The following PKD1L1 variants were observed in gnomAD, a reference collection of about 807,000 sequenced individuals.
The protein encoded by PKD1L1 is polycystin-1-like protein 1.
PKD1L1 carries 236 observed loss-of-function variants against 323.4 expected under a neutral mutation model. The ratio of observed to expected loss-of-function variants is 0.73; its 90% CI spans 0.66 to 0.81. The LOEUF (loss-of-function observed/expected upper bound fraction) is 0.81, where lower values mean the gene tolerates loss of function less well. PKD1L1 is among the 40% of genes least tolerant of loss of function. The pLI is 0.00. For synonymous variants in PKD1L1, 1,344 were observed against 1,335.0 expected (o/e 1.01, Z -0.15); for missense variants, 3,320 against 3,508.0 (o/e 0.95, Z 1.35).
rs780671286 is a variant in PKD1L1, at chr7:47,915,491, C to A, written c.1169G>T (p.Cys390Phe). Reference sequence around the variant, plus strand: ...GTTACTGGGGTCTGAGTCTTCCAGGCAGCTGTTTTCACTTTGGCACAAGTA... The same window carrying A: ...GTTACTGGGGTCTGAGTCTTCCAGGAAGCTGTTTTCACTTTGGCACAAGTA... ...NVYLCQSENS[C>F]LEDSDPSNLG... The change falls in exon 8 of 57, where the codon TGC (cysteine) becomes TTC (phenylalanine). Residue 390 changes from cysteine to phenylalanine, a missense_variant. Physicochemically the swap from Cys to Phe is radical, Grantham distance 205 (BLOSUM62 -2). Coordinates refer to ENST00000289672, the MANE Select transcript of PKD1L1 (RefSeq NM_138295.5). The A allele has an allele frequency of 6.9e-6, 9 of 1,302,678 alleles. No individual in the cohort carries two copies. Among genetic ancestry groups the A allele is most frequent in the Non-Finnish European group, 1.0e-5 (9 of 895,992 alleles). The allele number at this position is 1,302,678 out of a possible 1,614,324, so 80.7% of individuals were successfully genotyped here.
At chr7:47,945,786 C>T (rs769677525) in intron 1 of PKD1L1, among the ~76,000 whole-genome samples, 2 of 152,136 alleles carry the variant, frequency 1.3e-5, no homozygotes, top group Admixed American at 6.5e-5. Context: ...AGCCCTGGCA[C>T]CCACCAAGTT....
chr7:47,855,288 A>T, intron 28 of PKD1L1, 23 bp from the exon 29 acceptor site: 3 of 1,573,064 alleles, frequency 1.9e-6, no homozygotes, highest in Non-Finnish European at 2.6e-6. Context: ...AGACCATCTC[A>T]GAGCAAATGA....
intron 16 of PKD1L1, among the ~76,000 whole-genome samples, chr7:47,889,322 T>A (rs1295733908): frequency 6.6e-6 from 1 of 152,228 alleles, no homozygotes; most frequent in Non-Finnish European, 1.5e-5. Flanking sequence ...AGCAGAGGTA[T>A]ATAGTACATT....
intron 46 of PKD1L1, chr7:47,818,182 A>T (rs755419259): frequency 3.7e-6 from 5 of 1,367,072 alleles, no homozygotes; most frequent in Non-Finnish European, 4.9e-6. Flanking sequence ...GGAGACAGAG[A>T]TGGGAGGCAT....
intron 56 of PKD1L1, among the ~76,000 whole-genome samples, chr7:47,777,541 G>C (rs1310282375): frequency 6.6e-6 from 1 of 151,992 alleles, no homozygotes; most frequent in African/African-American, 2.4e-5. Context: ...AGTCAATTAG[G>C]GTCATGTTTT....
intron 5 of PKD1L1, 27 bp from the exon 6 acceptor site, chr7:47,931,348 T>G (rs1202291147): frequency 6.2e-7 from 1 of 1,610,914 alleles, no homozygotes; most frequent in Non-Finnish European, 8.5e-7. Flanking sequence ...CAGTTCAGGG[T>G]TTATTGAATG....
chr7:47,897,480 T>G (rs368026717), intron 14 of PKD1L1, among the ~76,000 whole-genome samples: 1 of 152,342 alleles, frequency 6.6e-6, no homozygotes, highest in African/African-American at 2.4e-5. Context: ...TTCAGCACCC[T>G]GTTTCTTGAA....
At chr7:47,949,391 A>AAAAAAAAAAAG (rs1788169199), upstream of PKD1L1, among the ~76,000 whole-genome samples, 1 of 147,962 alleles carries the variant, frequency 6.8e-6, no homozygotes, top group East Asian at 2.0e-4. Flanking sequence ...AAAAAAAAAA[A>AAAAAAAAAAAG]GCTGTAACTG....
chr7:47,779,904 C>T (rs1786651766), intron 56 of PKD1L1, among the ~76,000 whole-genome samples: 1 of 152,176 alleles, frequency 6.6e-6, no homozygotes, highest in Non-Finnish European at 1.5e-5. Context: ...TTGTTATGCA[C>T]ATTTGTGACT....
At position 47,871,879 on chromosome 7, in the gene PKD1L1, C is replaced by T. The variant is rs149099175; in HGVS notation, c.3896+2020G>A. Among the ~76,000 whole-genome samples the T allele has an allele frequency of 8.0e-3, 1,219 of 152,252 alleles. 9 individuals are homozygous for T. Among genetic ancestry groups the T allele is most frequent in the Non-Finnish European group, 0.013 (878 of 68,020 alleles). On this transcript the variant is annotated intron_variant, in intron 24 of 56. Coordinates refer to ENST00000289672, the MANE Select transcript of PKD1L1 (RefSeq NM_138295.5). ...AAAACTGAGAAGAAGACCAGGATTT[C>T]CACGCTTGCCACTTCTGTTCAGCGT...
At chr7:47,934,318 C>T (rs1224811576) in intron 4 of PKD1L1, among the ~76,000 whole-genome samples, 1 of 152,156 alleles carries the variant, frequency 6.6e-6, no homozygotes, top group African/African-American at 2.4e-5. Flanking sequence ...CTAGTTATCT[C>T]TAACCTTGCA....
chr7:47,893,593 C>T (rs910047196), intron 15 of PKD1L1, among the ~76,000 whole-genome samples: 2 of 152,184 alleles, frequency 1.3e-5, no homozygotes, highest in African/African-American at 4.8e-5. Flanking sequence ...GCCTTCCACA[C>T]ACCACGGCAT....
intron 52 of PKD1L1, among the ~76,000 whole-genome samples, chr7:47,806,994 C>T (rs1456956544): frequency 2.0e-5 from 3 of 151,912 alleles, no homozygotes; most frequent in South Asian, 2.1e-4. Flanking sequence ...CACACACAGA[C>T]GGGACTCTGT....
chr7:47,794,904 C>T (rs1784484518), intron 55 of PKD1L1, among the ~76,000 whole-genome samples: 1 of 152,168 alleles, frequency 6.6e-6, no homozygotes, highest in African/African-American at 2.4e-5. Context: ...CCTGTAACCC[C>T]TTGGTTTTGG....
intron 7 of PKD1L1, among the ~76,000 whole-genome samples, chr7:47,922,787 C>A (rs1562991754): frequency 6.6e-6 from 1 of 152,212 alleles, no homozygotes; most frequent in Non-Finnish European, 1.5e-5. Flanking sequence ...GCCGCCCCAT[C>A]TGGGAAGTGG....
intron 7 of PKD1L1, among the ~76,000 whole-genome samples, chr7:47,919,839 G>A (rs1045842587): frequency 1.3e-5 from 2 of 152,036 alleles, no homozygotes; most frequent in African/African-American, 4.8e-5. Context: ...AAAACTCTGA[G>A]CAAAACTGGC....
chr7:47,812,254 G>T (rs1041243549), intron 49 of PKD1L1, among the ~76,000 whole-genome samples: 3 of 151,984 alleles, frequency 2.0e-5, no homozygotes, highest in Non-Finnish European at 4.4e-5. Context: ...CTCTCTCCTT[G>T]CCCCACCCTC....
chr7:47,795,048 T>A (rs1209115640), intron 55 of PKD1L1, among the ~76,000 whole-genome samples: 2 of 152,216 alleles, frequency 1.3e-5, no homozygotes, highest in Non-Finnish European at 2.9e-5. Context: ...GATGACACTT[T>A]GGACTGTGGA....
At chr7:47,894,745 G>A (rs1424143723) in intron 14 of PKD1L1, among the ~76,000 whole-genome samples, 2 of 151,958 alleles carry the variant, frequency 1.3e-5, no homozygotes, top group East Asian at 1.9e-4. Context: ...CAGCTACATG[G>A]GAGGCAGAGG....
Sources: gnomAD v4.1 joint callset for allele counts (sites outside exome capture counted in the v4.1 genomes callset) on GRCh38, gnomAD v4.1.1 for gene constraint, MANE v1.5 for transcripts, NCBI Gene and HGNC (gene_info 2026-07-23, HGNC 2026-07-21) for gene names.